Variants in HSD17B4 observed in about 807,000 individuals in gnomAD.
HSD17B4 encodes peroxisomal multifunctional enzyme type 2.
HSD17B4 carries 70 observed loss-of-function variants against 101.0 expected under a neutral mutation model. That is an observed-to-expected ratio of 0.69 (90% CI 0.57 to 0.85). The LOEUF is 0.85. Ranked by LOEUF, HSD17B4 falls within the 40% of genes least tolerant of loss-of-function variation. The pLI, the probability that HSD17B4 is intolerant of heterozygous loss-of-function variation, is 0.00. For synonymous variants in HSD17B4, 347 were observed against 297.1 expected, an observed-to-expected ratio of 1.17 and a Z score of -1.73; for missense variants, 984 against 892.4, an observed-to-expected ratio of 1.10 and a Z score of -1.31.
intron 13 of HSD17B4, among the ~76,000 whole-genome samples, chr5:119,501,300 CCTT>C (rs146784412): frequency 0.023 from 3,557 of 151,504 alleles, 53 homozygotes; most frequent in Non-Finnish European, 0.037. Flanking sequence ...AACCACCTCC[CCTT>C]CTTCTTCTTC....
In HSD17B4 at chr5:119,542,317, G is replaced by T; in HGVS notation, c.*323G>T. The T allele has an allele frequency of 4.6e-6, 1 of 215,638 alleles. No homozygotes were observed. Among genetic ancestry groups the T allele is most frequent in the Non-Finnish European group, 9.2e-6 (1 of 108,182 alleles). 13.4% of individuals were successfully genotyped at this position (215,638 alleles called of 1,614,324 possible). On this transcript the variant is annotated 3_prime_UTR_variant, in exon 24 of 24. Transcript: ENST00000510025. Reference sequence around the variant, plus strand: ...TTGAAAGGAAAATTAAATCAATAAAGGCCTTTGATACCTTTGTTTTTTTGT... The same window carrying T: ...TTGAAAGGAAAATTAAATCAATAAATGCCTTTGATACCTTTGTTTTTTTGT...
chr5:119,491,445 C>A (rs1750094089), intron 9 of HSD17B4, among the ~76,000 whole-genome samples: 2 of 146,674 alleles, frequency 1.4e-5, no homozygotes. Context: ...ATTTTCTTTA[C>A]ATCAGACTCA....
rs191570006 is a variant in HSD17B4 at position 119,474,343 on chromosome 5, T to A, written c.221-58T>A. On this transcript the variant is annotated intron_variant, in intron 3 of 23. Coordinates refer to ENST00000510025, the MANE Select transcript of HSD17B4 (RefSeq NM_000414.4). The stretch of plus-strand genomic sequence containing the variant: ...GTCGTGTACTCTGACCCACAGAATT[T>A]AGAAGTCCTTTGGAAGGGAGGTTGC... 6.9e-5 allele frequency: 71 copies of A among 1,026,796 alleles called. No individual in the cohort carries two copies. The African/African-American group carries it at 1.1e-3, about 15-fold the overall frequency. 63.6% of individuals were successfully genotyped at this position (1,026,796 alleles called of 1,614,324 possible).
intron 2 of HSD17B4, among the ~76,000 whole-genome samples, chr5:119,465,341 A>G (rs1394431564): frequency 2.0e-5 from 3 of 152,238 alleles, no homozygotes; most frequent in Non-Finnish European, 2.9e-5. Context: ...TGATTGGCTT[A>G]ACACCAACCC....
intron 2 of HSD17B4, chr5:119,471,575 A>C (rs1756371392): frequency 1.5e-6 from 1 of 664,078 alleles, no homozygotes; most frequent in East Asian, 3.3e-5. Flanking sequence ...AATCATAACT[A>C]TTACATTTTC....
intron 23 of HSD17B4, among the ~76,000 whole-genome samples, chr5:119,540,388 TTAAG>T: frequency 1.3e-5 from 2 of 152,248 alleles, no homozygotes; most frequent in Admixed American, 6.5e-5. Flanking sequence ...GTTAAGGGCT[TTAAG>T]AAATAAGAAA....
intron 2 of HSD17B4, among the ~76,000 whole-genome samples, chr5:119,459,014 G>GT (rs1332627454): frequency 2.6e-5 from 4 of 152,318 alleles, no homozygotes; most frequent in Admixed American, 1.3e-4. Flanking sequence ...TTGAACTGAA[G>GT]TAACACCTTT....
intron 8 of HSD17B4, among the ~76,000 whole-genome samples, chr5:119,482,462 A>G (rs1749227293): frequency 6.6e-6 from 1 of 152,044 alleles, no homozygotes; most frequent in South Asian, 2.1e-4. Flanking sequence ...TCTGGTTCTA[A>G]TGTTTGTCTC....
intron 22 of HSD17B4, among the ~76,000 whole-genome samples, chr5:119,532,922 T>G (rs892051790): frequency 9.2e-5 from 14 of 152,134 alleles, no homozygotes; most frequent in African/African-American, 3.4e-4. Context: ...TATGATGCTG[T>G]TGATTGTCTT....
At chr5:119,516,569 A>C (rs1752630685) in intron 17 of HSD17B4, among the ~76,000 whole-genome samples, 1 of 152,172 alleles carries the variant, frequency 6.6e-6, no homozygotes, top group Non-Finnish European at 1.5e-5. Flanking sequence ...ATGGGCACTC[A>C]TCATTTGGCA....
At chr5:119,519,448 A>G (rs1299584465) in intron 17 of HSD17B4, among the ~76,000 whole-genome samples, 2 of 152,222 alleles carry the variant, frequency 1.3e-5, no homozygotes, top group Non-Finnish European at 2.9e-5. Flanking sequence ...ACATAGGCTC[A>G]AAAACATGTC....
At chr5:119,474,519 T>C (rs925539434) in intron 4 of HSD17B4, 59 bp downstream of exon 4, 1 of 1,027,710 alleles carries the variant, frequency 9.7e-7, no homozygotes, top group East Asian at 2.4e-5. Flanking sequence ...TAATGAAATA[T>C]TTTTAAGTTG....
Position 119,475,883 on chromosome 5 carries a change from T to C in HSD17B4, c.349+13T>C, listed in dbSNP as rs200513633. 4.6e-5 allele frequency: 72 copies of C among 1,565,274 alleles called. No homozygotes were observed. The highest frequency in any genetic ancestry group is 3.4e-4 in the Middle Eastern group (2 of 5,930). On this transcript the variant is annotated intron_variant, in intron 6 of 23. Transcript: ENST00000510025. ...GATGAAGACTGGGGTAAGTTGTTTTTAGTATTTCTCTGGGGAACATACTTA... is the reference window on the plus strand; with the variant it reads ...GATGAAGACTGGGGTAAGTTGTTTTCAGTATTTCTCTGGGGAACATACTTA...
chr5:119,502,080 C>A lies in HSD17B4; in HGVS notation c.1249C>A (p.Leu417Ile). 6.2e-7 allele frequency: 1 copy of A among 1,600,218 alleles called. No individual in the cohort carries two copies. The highest frequency in any genetic ancestry group is 8.6e-7 in the Non-Finnish European group (1 of 1,167,596). ...GEQYLELYKPLPRAGKLKCEA... is the reference protein window; with the variant it reads ...GEQYLELYKPIPRAGKLKCEA... ...GCAGTACTTAGAGTTATATAAACCA[C>A]TTCCCAGAGCAGGTGAGTTATTGAT... The change falls in exon 14 of 24, where the codon CTT becomes ATT. Residue 417 changes from leucine (L) to isoleucine (I), a missense_variant. Leu to Ile is a conservative substitution (Grantham distance 5, BLOSUM62 2). Coordinates refer to ENST00000510025, the MANE Select transcript of HSD17B4 (RefSeq NM_000414.4).
chr5:119,457,135 A>G (rs992365917), intron 2 of HSD17B4, among the ~76,000 whole-genome samples: 1 of 152,220 alleles, frequency 6.6e-6, no homozygotes, highest in African/African-American at 2.4e-5. Context: ...TGTGCTTGAC[A>G]GTTGGTGTGG....
intron 20 of HSD17B4, among the ~76,000 whole-genome samples, chr5:119,528,184 C>G (rs555589376): frequency 1.3e-4 from 20 of 152,070 alleles, no homozygotes; most frequent in African/African-American, 4.6e-4. Flanking sequence ...ATCTAGGTGT[C>G]CTAAATAACT....
Position 119,525,911 on chromosome 5 carries a change from T to C in HSD17B4, c.1574-6T>C, listed in dbSNP as rs1037776790. 1 of 1,549,470 alleles carries C rather than the reference T, an allele frequency of 6.5e-7. No homozygotes were observed. Among genetic ancestry groups the C allele is most frequent in the Non-Finnish European group, 8.9e-7 (1 of 1,121,332 alleles). ...GTATCTAACTCAGTGTTCTCTCTTT[T>C]CCTAGGTTTTGACAAGCCCATATTA... On this transcript the variant is annotated splice_region_variant and splice_polypyrimidine_tract_variant and intron_variant, in intron 18 of 23. Coordinates refer to ENST00000510025, the MANE Select transcript of HSD17B4 (RefSeq NM_000414.4).
chr5:119,498,750 C>A (rs542332949), intron 12 of HSD17B4, among the ~76,000 whole-genome samples: 6 of 152,016 alleles, frequency 3.9e-5, no homozygotes, highest in Non-Finnish European at 8.8e-5. Context: ...CATGGTGGCA[C>A]GGGCCTGTAG....
In HSD17B4 at chr5:119,477,485, A is replaced by C; in HGVS notation, c.418A>C (p.Lys140Gln). 6.2e-7 allele frequency: 1 copy of C among 1,612,378 alleles called. No homozygotes were observed. Among genetic ancestry groups the C allele is most frequent in the Non-Finnish European group, 8.5e-7 (1 of 1,178,490 alleles). ...VTRAAWEHMK[K>Q]QKYGRIIMTS... ...ACGGGCAGCATGGGAACACATGAAG[A>C]AACAGAAGTATGGAAGGTAGAGTTG... Residue 140 changes from lysine (K) to glutamine (Q), a missense_variant, in exon 7 of 24, where the codon AAA (lysine) becomes CAA (glutamine). Lys to Gln is a moderately conservative substitution (Grantham distance 53, BLOSUM62 1). Coordinates refer to ENST00000510025, the MANE Select transcript of HSD17B4 (RefSeq NM_000414.4).
Sources: allele counts gnomAD v4.1 joint callset (sites outside exome capture counted in the v4.1 genomes callset), GRCh38; gene constraint gnomAD v4.1.1; transcripts MANE v1.5; gene names NCBI Gene and HGNC (gene_info 2026-07-23, HGNC 2026-07-21).